SLAIN1: variants seen among roughly 807,000 people sequenced by gnomAD.
SLAIN1 encodes the protein SLAIN family member 1.
Under a neutral mutation model 55.4 loss-of-function variants are expected in SLAIN1, and 17 were observed. The observed-to-expected ratio is 0.31, with a 90% CI of 0.21 to 0.46. The LOEUF (loss-of-function observed/expected upper bound fraction) is 0.46. Ranked by LOEUF, SLAIN1 falls within the 20% of genes least tolerant of loss-of-function variation. The pLI, the probability that SLAIN1 is intolerant of heterozygous loss-of-function variation, is 1.00. For missense variants in SLAIN1, 682 were observed against 785.1 expected, an observed-to-expected ratio of 0.87 and a Z score of 1.57; for synonymous variants, 348 against 337.4, an observed-to-expected ratio of 1.03 and a Z score of -0.35.
rs1203481112 is a variant in SLAIN1, at chr13:77,698,117, C to A, written c.204C>A (p.Ala68=). The change falls in exon 1 of 7, where the codon GCC becomes GCA. Residue 68 remains alanine (A), a synonymous_variant. Coordinates refer to ENST00000418532, the MANE Select transcript of SLAIN1 (RefSeq NM_001242868.2). This position sits in a 1 kb window ranked among gnomAD's most constrained non-coding sequence, Gnocchi z 4.1. ...TGCTGCTGCCGCCGCCGCCGCCCGCCGCGCCGCCCCCCGCTGGCCTGCAGC... is the reference window on the plus strand; with the variant it reads ...TGCTGCTGCCGCCGCCGCCGCCCGCAGCGCCGCCCCCCGCTGGCCTGCAGC... ...HLLLLPPPPP[A]APPPAGLQPL... 1.0e-5 allele frequency: 10 copies of A among 997,550 alleles called. No individual in the cohort carries two copies. In the African/African-American group the frequency reaches 4.6e-4, roughly 46 times the overall value. 61.8% of individuals were successfully genotyped at this position (997,550 alleles called of 1,614,324 possible). A position where few individuals can be genotyped will look rare whatever the true frequency, so the allele number is the denominator to read the frequency against.
chr13:77,698,079 GC>G lies in SLAIN1; in HGVS notation c.170del (p.Pro57ArgfsTer142). On this transcript the variant is annotated frameshift_variant, in exon 1 of 7. Transcript: ENST00000418532. LOFTEE classifies it high-confidence loss of function. This position sits in a 1 kb window ranked among gnomAD's most constrained non-coding sequence, Gnocchi z 4.1. The part of the protein sequence containing the change: ...LRSRAASAAA[A>X]PHLLLLPPPP... ...GAGTCGAGCGGCCAGCGCGGCCGCC[GC>G]CCCGCACCTGCTGCTGCTGCCGCCG... is the stretch of plus-strand genomic sequence containing the variant. The G allele has an allele frequency of 7.9e-7, 1 of 1,265,108 alleles. No homozygotes were observed. The allele number at this position is 1,265,108 out of a possible 1,614,324, so 78.4% of individuals were successfully genotyped here. A position where few individuals can be genotyped will look rare whatever the true frequency, so the allele number is the denominator to read the frequency against.
intron 1 of SLAIN1, among the ~76,000 whole-genome samples, chr13:77,716,594 G>C (rs2091210195): frequency 6.6e-6 from 1 of 152,032 alleles, no homozygotes; most frequent in Non-Finnish European, 1.5e-5. Flanking sequence ...TCTTTTGTCA[G>C]ATTTATCCTT....
chr13:77,727,229 G>A (rs747692179), intron 2 of SLAIN1, among the ~76,000 whole-genome samples: 2 of 151,968 alleles, frequency 1.3e-5, no homozygotes, highest in African/African-American at 2.4e-5. Flanking sequence ...TTTCTATTTC[G>A]AGGCACCCTG....
chr13:77,741,590 AT>A, intron 2 of SLAIN1: 1 of 194,400 alleles, frequency 5.1e-6, no homozygotes, highest in Non-Finnish European at 9.5e-6. Context: ...AGGAAAAGAT[AT>A]TTTTAATGTA....
chr13:77,721,026 A>C (rs970412037), intron 2 of SLAIN1, among the ~76,000 whole-genome samples: 1 of 152,064 alleles, frequency 6.6e-6, no homozygotes, highest in African/African-American at 2.4e-5. Context: ...CATTTACCTA[A>C]GTGACTCGAA....
chr13:77,698,540 G>GTAC lies in SLAIN1; in HGVS notation c.626+3_626+5dup. 1.4e-6 allele frequency: 2 copies of GTAC among 1,436,016 alleles called. No homozygotes were observed. Among genetic ancestry groups the GTAC allele is most frequent in the South Asian group, 2.9e-5 (2 of 69,098 alleles). 89.0% of individuals were successfully genotyped at this position (1,436,016 alleles called of 1,614,324 possible). A position where few individuals can be genotyped will look rare whatever the true frequency, so the allele number is the denominator to read the frequency against. ...GGCGGGACGAGGACGACTACACCTG[G>GTAC]TACTGCCTGGCTCCGCTCCTTCCCC... is the stretch of plus-strand genomic sequence containing the variant. On this transcript the variant is annotated splice_donor_variant, in intron 1 of 6. Transcript: ENST00000418532. LOFTEE classifies it high-confidence loss of function. The surrounding 1 kb of genome is among the most constrained non-coding windows in gnomAD (Gnocchi z 4.1).
At chr13:77,750,516 A>G (rs987299084) in intron 4 of SLAIN1, among the ~76,000 whole-genome samples, 1 of 152,126 alleles carries the variant, frequency 6.6e-6, no homozygotes, top group African/African-American at 2.4e-5. Context: ...GTAGAGATGA[A>G]TCCTTCTAAT....
intron 1 of SLAIN1, among the ~76,000 whole-genome samples, chr13:77,700,068 T>C (rs1244163022): frequency 6.6e-6 from 1 of 152,206 alleles, no homozygotes; most frequent in African/African-American, 2.4e-5. Flanking sequence ...ATCAGTTTTA[T>C]GCTTAAAATA....
intron 1 of SLAIN1, among the ~76,000 whole-genome samples, chr13:77,709,308 G>A (rs2091122488): frequency 6.6e-6 from 1 of 152,158 alleles, no homozygotes; most frequent in African/African-American, 2.4e-5. Flanking sequence ...AAGTGACTGG[G>A]AGAATGGAAC....
rs761003905 is a variant in SLAIN1, at chr13:77,698,536, C to T, written c.623C>T (p.Thr208Ile). Residue 208 changes from threonine to isoleucine, a missense_variant, in exon 1 of 7, where the codon ACC becomes ATC. This residue lies in a region of SLAIN1 where 401 missense variants were observed against 417.3 expected (regional missense o/e 0.96). Transcript: ENST00000418532. The surrounding 1 kb of genome is among the most constrained non-coding windows in gnomAD (Gnocchi z 4.1). Reference protein sequence around the residue: ...VAAWRDEDDYTWLYIGSSKTF... With the variant: ...VAAWRDEDDYIWLYIGSSKTF... ...GCCTGGCGGGACGAGGACGACTACA[C>T]CTGGTACTGCCTGGCTCCGCTCCTT... The T allele has an allele frequency of 4.3e-5, 62 of 1,431,108 alleles. No homozygotes were observed. The South Asian group carries it at 5.1e-4, about 12-fold the overall frequency. The allele number at this position is 1,431,108 out of a possible 1,614,324, so 88.7% of individuals were successfully genotyped here.
At chr13:77,742,933 T>A in intron 2 of SLAIN1, 1 of 868,474 alleles carries the variant, frequency 1.2e-6, no homozygotes, top group Non-Finnish European at 1.4e-6. Flanking sequence ...TTTTTTTTTT[T>A]TATTCTCTTC....
At chr13:77,699,946 C>G (rs1462939007) in intron 1 of SLAIN1, among the ~76,000 whole-genome samples, 1 of 152,126 alleles carries the variant, frequency 6.6e-6, no homozygotes, top group Non-Finnish European at 1.5e-5. Flanking sequence ...AGCCCTTATG[C>G]CACTTTCAAA....
At chr13:77,706,048 T>A (rs891584702) in intron 1 of SLAIN1, among the ~76,000 whole-genome samples, 1 of 152,126 alleles carries the variant, frequency 6.6e-6, no homozygotes, top group Non-Finnish European at 1.5e-5. Context: ...CTTGTTAGGC[T>A]TATTACAGGA....
chr13:77,745,855 A>G (rs1225748658), intron 3 of SLAIN1, among the ~76,000 whole-genome samples: 1 of 152,090 alleles, frequency 6.6e-6, no homozygotes, highest in Non-Finnish European at 1.5e-5. Context: ...TCAGGGATAG[A>G]CCACTTTTTT....
chr13:77,756,415 T>A (rs1874612697), intron 5 of SLAIN1, among the ~76,000 whole-genome samples: 1 of 152,168 alleles, frequency 6.6e-6, no homozygotes, highest in Non-Finnish European at 1.5e-5. Flanking sequence ...AGAGGTTTTA[T>A]GTTTCTATAG....
chr13:77,754,910 A>G (rs1043141529), intron 5 of SLAIN1, among the ~76,000 whole-genome samples: 74 of 152,208 alleles, frequency 4.9e-4, no homozygotes, highest in African/African-American at 1.6e-3. Context: ...ACAGGATTCT[A>G]TGTTAAGGCT....
At chr13:77,706,231 A>G (rs1005088891) in intron 1 of SLAIN1, among the ~76,000 whole-genome samples, 5 of 151,854 alleles carry the variant, frequency 3.3e-5, no homozygotes, top group Non-Finnish European at 4.4e-5. Flanking sequence ...TGACTACCAT[A>G]TCTCTTTTCC....
chr13:77,720,999 A>G (rs1367042177), intron 2 of SLAIN1, among the ~76,000 whole-genome samples: 1 of 152,194 alleles, frequency 6.6e-6, no homozygotes, highest in Middle Eastern at 3.2e-3. Flanking sequence ...CGGAGGCTGT[A>G]GTATTCATTC....
chr13:77,715,457 AC>A (rs1199080364), intron 1 of SLAIN1, among the ~76,000 whole-genome samples: 3 of 152,134 alleles, frequency 2.0e-5, no homozygotes, highest in Non-Finnish European at 2.9e-5. Context: ...AATACTTCTG[AC>A]TTGAGTGTCT....
Sources: gnomAD v4.1 joint callset for allele counts (sites outside exome capture counted in the v4.1 genomes callset) on GRCh38, gnomAD v4.1.1 for gene constraint, gnomAD v4.1.1 regional missense constraint, Gnocchi (gnomAD v3.1) non-coding constraint, MANE v1.5 for transcripts, NCBI Gene and HGNC (gene_info 2026-07-23, HGNC 2026-07-21) for gene names.